The following XPNPEP1 variants were observed in gnomAD, a reference collection of about 807,000 sequenced individuals.
XPNPEP1 encodes xaa-Pro aminopeptidase 1.
A neutral mutation model predicts 92.4 loss-of-function variants in XPNPEP1; 39 were observed. The observed-to-expected ratio is 0.42, with a 90% CI of 0.33 to 0.55. XPNPEP1 has a LOEUF of 0.55. XPNPEP1 is among the 20% of genes least tolerant of loss of function. The pLI is 0.08. For synonymous variants in XPNPEP1, 307 were observed against 299.4 expected (o/e 1.03, Z -0.26); for missense variants, 654 against 856.1 (o/e 0.76, Z 2.95).
rs563819213 is a variant in XPNPEP1, at chr10:109,881,049, C to T, written c.1042-118G>A. ...AGACAAATCATTTGAAGAGCTCCCA[C>T]TGGCGACCCATATAGCTATCCCCTG... On this transcript the variant is annotated intron_variant, in intron 10 of 20. Coordinates refer to ENST00000502935, the MANE Select transcript of XPNPEP1 (RefSeq NM_020383.4). 585 of 953,318 alleles carry T rather than the reference C, an allele frequency of 6.1e-4. 14 individuals are homozygous for T. In the South Asian group the frequency reaches 8.6e-3, roughly 14 times the overall value. The allele number at this position is 953,318 out of a possible 1,614,324, so 59.1% of individuals were successfully genotyped here. A position where few individuals can be genotyped will look rare whatever the true frequency, so the allele number is the denominator to read the frequency against.
chr10:109,907,133 A>G (rs1427794521), intron 3 of XPNPEP1, among the ~76,000 whole-genome samples: 1 of 152,224 alleles, frequency 6.6e-6, no homozygotes, highest in Non-Finnish European at 1.5e-5. Flanking sequence ...GATTCTGTGG[A>G]AGAATAGCAC....
intron 10 of XPNPEP1, among the ~76,000 whole-genome samples, chr10:109,881,780 C>T (rs588160): frequency 0.49 from 74,826 of 152,096 alleles, 19,487 homozygotes; most frequent in Non-Finnish European, 0.6. Context: ...CAGTCCCATC[C>T]CAGACCCTAA....
intron 20 of XPNPEP1, among the ~76,000 whole-genome samples, chr10:109,866,874 A>G (rs959920033): frequency 2.0e-5 from 3 of 152,270 alleles, no homozygotes; most frequent in Non-Finnish European, 1.5e-5. Flanking sequence ...AGGTGCAGCA[A>G]TGAAACACTG....
chr10:109,888,325 G>T, intron 6 of XPNPEP1, 133 bp from the exon 7 acceptor site: 1 of 1,352,968 alleles, frequency 7.4e-7, no homozygotes, highest in Non-Finnish European at 9.9e-7. Context: ...GCAGGATGAG[G>T]AACTGTAAAA....
At chr10:109,917,267 T>C (rs1850245805) in intron 1 of XPNPEP1, among the ~76,000 whole-genome samples, 1 of 152,326 alleles carries the variant, frequency 6.6e-6, no homozygotes, top group African/African-American at 2.4e-5. Context: ...TTAGAACTAA[T>C]AACTGAGTTC....
chr10:109,885,669 TCAGAAAC>T (rs1832045383), intron 8 of XPNPEP1, among the ~76,000 whole-genome samples: 1 of 152,154 alleles, frequency 6.6e-6, no homozygotes, highest in Non-Finnish European at 1.5e-5. Flanking sequence ...TCAAATCCAC[TCAGAAAC>T]CAGAAGACAG....
chr10:109,920,844 C>T (rs1850499543), intron 1 of XPNPEP1, among the ~76,000 whole-genome samples: 1 of 152,104 alleles, frequency 6.6e-6, no homozygotes, highest in African/African-American at 2.4e-5. Flanking sequence ...CCGTGCCTAG[C>T]CAAGGTTACC....
In XPNPEP1 at chr10:109,909,338, G is replaced by A. The variant is rs1849735847; in HGVS notation, c.122-1523C>T. 2.6e-5 allele frequency among the ~76,000 whole-genome samples: 4 copies of A among 152,178 alleles called. No homozygotes were observed. In the South Asian group the frequency reaches 8.3e-4, roughly 31 times the overall value. ...CAAGGTTTTCAAACGAAGTCCCAAGGCTCCAGGGGAGTCTACCATTCAAAT... is the reference window on the plus strand; with the variant it reads ...CAAGGTTTTCAAACGAAGTCCCAAGACTCCAGGGGAGTCTACCATTCAAAT... On this transcript the variant is annotated intron_variant, in intron 2 of 20. Coordinates refer to ENST00000502935, the MANE Select transcript of XPNPEP1 (RefSeq NM_020383.4).
rs1564738765 is a variant in XPNPEP1, at chr10:109,865,160, A to G, written c.*24T>C. On this transcript the variant is annotated 3_prime_UTR_variant, in exon 21 of 21. Coordinates refer to ENST00000502935, the MANE Select transcript of XPNPEP1 (RefSeq NM_020383.4). ...CTTCCTTCCTCCAGAGCATTTTACA[A>G]AAACAAAACCGGGGAGGTATTTATT... The G allele has an allele frequency of 1.9e-6, 3 of 1,613,740 alleles. No homozygotes were observed. The highest frequency in any genetic ancestry group is 2.5e-6 in the Non-Finnish European group (3 of 1,179,624).
chr10:109,868,521 G>A, intron 20 of XPNPEP1, 93 bp downstream of exon 20: 1 of 1,128,558 alleles, frequency 8.9e-7, no homozygotes, highest in Admixed American at 2.2e-5. Flanking sequence ...GACTGGATTA[G>A]AGAATTTAGG....
intron 2 of XPNPEP1, among the ~76,000 whole-genome samples, chr10:109,913,188 C>T (rs1849975740): frequency 1.3e-5 from 2 of 152,218 alleles, no homozygotes; most frequent in Admixed American, 1.3e-4. Context: ...AAATAAGTTC[C>T]CACACCTTCA....
At chr10:109,913,654 G>A (rs536487966) in intron 2 of XPNPEP1, among the ~76,000 whole-genome samples, 4 of 152,172 alleles carry the variant, frequency 2.6e-5, no homozygotes, top group Admixed American at 1.3e-4. Context: ...ATCAGGAACC[G>A]GGACTCAAGG....
chr10:109,894,476 T>C (rs776772952), intron 3 of XPNPEP1, among the ~76,000 whole-genome samples: 4 of 150,524 alleles, frequency 2.7e-5, no homozygotes, highest in Non-Finnish European at 5.9e-5. Flanking sequence ...GGCTGCACAG[T>C]GAGGCATGAT....
chr10:109,921,026 C>CT (rs1564801434), intron 1 of XPNPEP1, among the ~76,000 whole-genome samples: 1 of 152,204 alleles, frequency 6.6e-6, no homozygotes, highest in Non-Finnish European at 1.5e-5. Context: ...ATCACAGGAG[C>CT]TACGAAGCAG....
chr10:109,909,465 T>C (rs1174355696), intron 2 of XPNPEP1, among the ~76,000 whole-genome samples: 2 of 152,228 alleles, frequency 1.3e-5, no homozygotes, highest in Non-Finnish European at 1.5e-5. Flanking sequence ...CTGGTCCTAC[T>C]AGAAATTCTT....
At chr10:109,921,012 C>A (rs1013486377) in intron 1 of XPNPEP1, among the ~76,000 whole-genome samples, 1 of 152,356 alleles carries the variant, frequency 6.6e-6, no homozygotes, top group African/African-American at 2.4e-5. Flanking sequence ...ACCTTTCTGT[C>A]AGGATCACAG....
At chr10:109,873,811 T>C (rs976922097) in intron 15 of XPNPEP1, among the ~76,000 whole-genome samples, 1 of 152,068 alleles carries the variant, frequency 6.6e-6, no homozygotes, top group African/African-American at 2.4e-5. Context: ...TAAAAAGAAA[T>C]GGAATACTGA....
Position 109,864,835 on chromosome 10 carries a change from T to A in XPNPEP1, c.*349A>T, listed in dbSNP as rs1022116130. On this transcript the variant is annotated 3_prime_UTR_variant, in exon 21 of 21. Coordinates refer to ENST00000502935, the MANE Select transcript of XPNPEP1 (RefSeq NM_020383.4). Reference sequence around the variant, plus strand: ...TGAGCATTAAGGTGATCATGAATGATGTACTAGCACCTGGAACATGACCAT... The same window carrying A: ...TGAGCATTAAGGTGATCATGAATGAAGTACTAGCACCTGGAACATGACCAT... The A allele has an allele frequency of 3.3e-6, 1 of 298,896 alleles. No individual in the cohort carries two copies. Among genetic ancestry groups the A allele is most frequent in the East Asian group, 7.6e-5 (1 of 13,128 alleles). 18.5% of individuals were successfully genotyped at this position (298,896 alleles called of 1,614,324 possible). A position where few individuals can be genotyped will look rare whatever the true frequency, so the allele number is the denominator to read the frequency against.
Position 109,922,693 on chromosome 10 carries a change from CCT to C in XPNPEP1, c.32+707_32+708del, listed in dbSNP as rs1225438962. 2.0e-5 allele frequency among the ~76,000 whole-genome samples: 3 copies of C among 152,218 alleles called. No homozygotes were observed. The East Asian group carries it at 5.8e-4, about 29-fold the overall frequency. Reference sequence around the variant, plus strand: ...CTGTGGCCTCCATGAACTCTGAACACCTCTCTCCGTCTCCCACTTTGTCAGAG... The same window carrying C: ...CTGTGGCCTCCATGAACTCTGAACACCTCTCCGTCTCCCACTTTGTCAGAG... On this transcript the variant is annotated intron_variant, in intron 1 of 20. Transcript: ENST00000502935.
Sources: gnomAD v4.1 joint callset for allele counts (sites outside exome capture counted in the v4.1 genomes callset) on GRCh38, gnomAD v4.1.1 for gene constraint, MANE v1.5 for transcripts, NCBI Gene and HGNC (gene_info 2026-07-23, HGNC 2026-07-21) for gene names.